The following PKNOX2 variants were observed in gnomAD, a reference collection of about 807,000 sequenced individuals.
The protein encoded by PKNOX2 is PBX/knotted 1 homeobox 2.
In PKNOX2, 14 loss-of-function variants were observed where a neutral mutation model predicts 53.1. The ratio of observed to expected loss-of-function variants is 0.26; its 90% CI spans 0.17 to 0.41. The LOEUF (loss-of-function observed/expected upper bound fraction) is 0.41. Ranked by LOEUF, PKNOX2 falls within the 10% of genes least tolerant of loss-of-function variation. PKNOX2 has a pLI of 1.00. For synonymous variants in PKNOX2, 257 were observed against 242.8 expected, an observed-to-expected ratio of 1.06 and a Z score of -0.54; for missense variants, 496 against 602.8, an observed-to-expected ratio of 0.82 and a Z score of 1.85.
At chr11:125,232,460 T>C (rs564989967) in intron 1 of PKNOX2, among the ~76,000 whole-genome samples, 2 of 152,334 alleles carry the variant, frequency 1.3e-5, no homozygotes, top group Admixed American at 1.3e-4. Context: ...AGCCCTATTT[T>C]ATACATGAAA....
At chr11:125,351,755 C>A (rs1231546976) in intron 4 of PKNOX2, among the ~76,000 whole-genome samples, 1 of 152,100 alleles carries the variant, frequency 6.6e-6, no homozygotes, top group African/African-American at 2.4e-5. Context: ...GTGAGCGGAA[C>A]CGCCCTCTGA....
chr11:125,358,601 G>A (rs1335976046), intron 4 of PKNOX2, among the ~76,000 whole-genome samples: 2 of 152,238 alleles, frequency 1.3e-5, no homozygotes, highest in African/African-American at 2.4e-5. Flanking sequence ...TCTATGGTCT[G>A]TTCTGTCCAC....
rs895779244 is a variant in PKNOX2, at chr11:125,422,484, G to A, written c.937-6528G>A. ...CCCCAGGAGTGATGTTTGACTGTCG[G>A]AGGCATCCCCTGGTGTAGCGCTGTC... On this transcript the variant is annotated intron_variant, in intron 10 of 12. Transcript: ENST00000298282. The surrounding 1 kb of genome is among the most constrained non-coding windows in gnomAD (Gnocchi z 4.1). Among the ~76,000 whole-genome samples the A allele has an allele frequency of 6.6e-6, 1 of 152,170 alleles. No homozygotes were observed. Among genetic ancestry groups the A allele is most frequent in the African/African-American group, 2.4e-5 (1 of 41,436 alleles).
chr11:125,387,269 T>TG (rs1953701814), intron 6 of PKNOX2, among the ~76,000 whole-genome samples: 2 of 152,180 alleles, frequency 1.3e-5, no homozygotes, highest in Admixed American at 1.3e-4. Context: ...GGGATGGACC[T>TG]GGGGGGTGGG....
At chr11:125,229,466 G>C (rs1244197294) in intron 1 of PKNOX2, among the ~76,000 whole-genome samples, 1 of 152,244 alleles carries the variant, frequency 6.6e-6, no homozygotes, top group African/African-American at 2.4e-5. Context: ...GCAAGGTTTA[G>C]ATGTTGGCAG....
rs561990089 is a variant in PKNOX2, at chr11:125,288,523, C to T, written c.-129-43296C>T. ...CCCAGCGACAGCTTGTTCTCCCACACGTTCTTTCAAGTCCTCATGGCCCAT... is the reference window on the plus strand; with the variant it reads ...CCCAGCGACAGCTTGTTCTCCCACATGTTCTTTCAAGTCCTCATGGCCCAT... On this transcript the variant is annotated intron_variant, in intron 2 of 12. Coordinates refer to ENST00000298282, the MANE Select transcript of PKNOX2 (RefSeq NM_001382323.2). Among the ~76,000 whole-genome samples, 7 of 152,218 alleles carry T rather than the reference C, an allele frequency of 4.6e-5. No homozygotes were observed. In the South Asian group the frequency reaches 8.3e-4, roughly 18 times the overall value.
chr11:125,376,030 C>T (rs1245171498), intron 5 of PKNOX2, among the ~76,000 whole-genome samples: 1 of 152,186 alleles, frequency 6.6e-6, no homozygotes, highest in East Asian at 1.9e-4. Context: ...TTTGCCCTCG[C>T]AGAGCAGTTT....
intron 2 of PKNOX2, among the ~76,000 whole-genome samples, chr11:125,312,286 A>G (rs535273443): frequency 8.5e-5 from 13 of 152,268 alleles, no homozygotes; most frequent in African/African-American, 2.9e-4. Flanking sequence ...GATGAAACTG[A>G]AGTTTCCTGA....
intron 5 of PKNOX2, among the ~76,000 whole-genome samples, chr11:125,369,040 T>C (rs1342260317): frequency 6.6e-6 from 1 of 152,226 alleles, no homozygotes; most frequent in Non-Finnish European, 1.5e-5. Flanking sequence ...AATAGGAAGA[T>C]TGATTTCTTT....
intron 8 of PKNOX2, 175 bp downstream of exon 8, chr11:125,410,500 T>C: frequency 1.0e-6 from 1 of 952,440 alleles, no homozygotes. Context: ...GACCCAATTG[T>C]GATGGTTTAG....
At chr11:125,351,588 G>C (rs867113595) in intron 4 of PKNOX2, among the ~76,000 whole-genome samples, 196 bp downstream of exon 4, 12 of 152,180 alleles carry the variant, frequency 7.9e-5, no homozygotes, top group African/African-American at 2.7e-4. Flanking sequence ...CCCGAGGGCA[G>C]TCACCAGGTT....
intron 5 of PKNOX2, among the ~76,000 whole-genome samples, chr11:125,381,530 C>T (rs1953227052): frequency 6.6e-6 from 1 of 152,046 alleles, no homozygotes; most frequent in Admixed American, 6.5e-5. Context: ...CCCCCACATA[C>T]ATACACATAG....
chr11:125,202,112 TA>T (rs1315909237), intron 1 of PKNOX2, among the ~76,000 whole-genome samples: 1 of 152,224 alleles, frequency 6.6e-6, no homozygotes, highest in African/African-American at 2.4e-5. Flanking sequence ...ATTAATCAGT[TA>T]GCTGAGGGGA....
chr11:125,364,766 G>A (rs191003715), intron 4 of PKNOX2, among the ~76,000 whole-genome samples: 180 of 152,268 alleles, frequency 1.2e-3, no homozygotes, highest in Admixed American at 2.7e-3. Context: ...ACTACACATC[G>A]TCAAATTCGA....
intron 3 of PKNOX2, among the ~76,000 whole-genome samples, chr11:125,346,364 A>G (rs915383457): frequency 1.3e-5 from 2 of 152,230 alleles, no homozygotes; most frequent in Admixed American, 6.5e-5. Context: ...TTCAACAAGC[A>G]TGTGTGCAGT....
chr11:125,230,783 A>T (rs1240535618), intron 1 of PKNOX2, among the ~76,000 whole-genome samples: 1 of 152,162 alleles, frequency 6.6e-6, no homozygotes, highest in Non-Finnish European at 1.5e-5. Flanking sequence ...TGTCCTAGGC[A>T]TTGCACAAAT....
intron 2 of PKNOX2, among the ~76,000 whole-genome samples, chr11:125,310,999 G>A (rs1346569632): frequency 6.6e-6 from 1 of 152,024 alleles, no homozygotes; most frequent in Non-Finnish European, 1.5e-5. Context: ...CTTTTTAAGA[G>A]AACAGGGAGA....
chr11:125,287,189 T>C (rs1016129847), intron 2 of PKNOX2, among the ~76,000 whole-genome samples: 3 of 152,252 alleles, frequency 2.0e-5, no homozygotes, highest in African/African-American at 7.2e-5. Context: ...GTTCCTCAGC[T>C]TGCTTAGGGT....
chr11:125,348,426 T>C (rs566785967), intron 3 of PKNOX2, among the ~76,000 whole-genome samples: 19 of 152,234 alleles, frequency 1.2e-4, no homozygotes, highest in African/African-American at 4.1e-4. Flanking sequence ...CCCCAGAGGG[T>C]AATGGGGCAG....
Sources: allele counts gnomAD v4.1 joint callset (sites outside exome capture counted in the v4.1 genomes callset), GRCh38; gene constraint gnomAD v4.1.1; non-coding constraint Gnocchi (gnomAD v3.1); transcripts MANE v1.5; gene names NCBI Gene and HGNC (gene_info 2026-07-23, HGNC 2026-07-21).